SLIT3: variants seen among roughly 807,000 people sequenced by gnomAD.
The protein encoded by SLIT3 is slit guidance ligand 3.
Under a neutral mutation model 184.0 loss-of-function variants are expected in SLIT3, and 68 were observed. The ratio of observed to expected loss-of-function variants is 0.37; its 90% CI spans 0.30 to 0.45. SLIT3 has a LOEUF of 0.45. Among genes scored for constraint, SLIT3 ranks in the 20% least tolerant of loss-of-function variants. The pLI, the probability that SLIT3 is intolerant of heterozygous loss-of-function variation, is 1.00. For synonymous variants in SLIT3, 831 were observed against 828.6 expected, an observed-to-expected ratio of 1.00 and a Z score of -0.05; for missense variants, 1,707 against 2,026.0, an observed-to-expected ratio of 0.84 and a Z score of 3.02.
intron 14 of SLIT3, chr5:168,767,998 C>T (rs1256214089): frequency 6.3e-6 from 2 of 319,984 alleles, no homozygotes; most frequent in South Asian, 2.4e-5. Context: ...AGACCCATTT[C>T]CCTCTGTATC....
rs1582521043 is a variant in SLIT3, at chr5:168,679,939, T to C, written c.3686+4027A>G. Among the ~76,000 whole-genome samples, 3 of 152,320 alleles carry C rather than the reference T, an allele frequency of 2.0e-5. No individual in the cohort carries two copies. In the South Asian group the frequency reaches 6.2e-4, roughly 32 times the overall value. On this transcript the variant is annotated intron_variant, in intron 32 of 35. Coordinates refer to ENST00000519560, the MANE Select transcript of SLIT3 (RefSeq NM_003062.4). ...TTGGCAGTGGACAGGATTGTAGAAA[T>C]CAAGACTCAGAGAGCATGCACTGCA... is the stretch of plus-strand genomic sequence containing the variant.
intron 4 of SLIT3, among the ~76,000 whole-genome samples, chr5:169,066,895 A>G (rs1009252494): frequency 7.2e-5 from 11 of 151,792 alleles, no homozygotes; most frequent in African/African-American, 2.7e-4. Flanking sequence ...ATGACATGGA[A>G]AAACATTCAT....
chr5:168,727,045 C>T (rs887847922), intron 20 of SLIT3, among the ~76,000 whole-genome samples: 3 of 148,890 alleles, frequency 2.0e-5, no homozygotes, highest in East Asian at 4.0e-4. Flanking sequence ...GCTGGCTGGG[C>T]ACGGTGGCTC....
At chr5:168,762,119 T>G (rs73802388) in intron 15 of SLIT3, among the ~76,000 whole-genome samples, 33 of 151,984 alleles carry the variant, frequency 2.2e-4, no homozygotes, top group African/African-American at 7.5e-4. Context: ...AACACATCCC[T>G]TTATTAACAT....
intron 4 of SLIT3, among the ~76,000 whole-genome samples, chr5:169,179,936 T>C (rs1763104726): frequency 6.6e-6 from 1 of 151,990 alleles, no homozygotes; most frequent in African/African-American, 2.4e-5. Context: ...ACAGATAAAA[T>C]CCCTGCATTC....
chr5:168,967,417 C>A (rs1439464346), intron 4 of SLIT3, among the ~76,000 whole-genome samples: 1 of 145,504 alleles, frequency 6.9e-6, no homozygotes, highest in African/African-American at 2.6e-5. Flanking sequence ...TTGCATTCCT[C>A]TGGCACTGCC....
intron 4 of SLIT3, among the ~76,000 whole-genome samples, chr5:169,040,305 A>C (rs1757405892): frequency 2.0e-5 from 3 of 152,186 alleles, no homozygotes; most frequent in African/African-American, 7.2e-5. Flanking sequence ...GGCATTGCTC[A>C]TCTGTATTTA....
chr5:168,978,130 C>T (rs1581263171), intron 4 of SLIT3, among the ~76,000 whole-genome samples: 1 of 152,164 alleles, frequency 6.6e-6, no homozygotes, highest in East Asian at 1.9e-4. Flanking sequence ...GGGTCAGGCA[C>T]CCCAGGCATC....
chr5:168,931,609 C>A (rs533088250), intron 4 of SLIT3, among the ~76,000 whole-genome samples: 1 of 152,154 alleles, frequency 6.6e-6, no homozygotes, highest in African/African-American at 2.4e-5. Flanking sequence ...ACTGAGTATA[C>A]GATGAGGGGA....
intron 8 of SLIT3, among the ~76,000 whole-genome samples, chr5:168,813,920 C>T (rs906962840): frequency 2.6e-5 from 4 of 152,164 alleles, no homozygotes; most frequent in Admixed American, 2.0e-4. Context: ...ATGGGGACTG[C>T]TGGTGATGAA....
At chr5:169,116,465 T>G (rs940002899) in intron 4 of SLIT3, among the ~76,000 whole-genome samples, 11 of 152,216 alleles carry the variant, frequency 7.2e-5, no homozygotes, top group African/African-American at 2.7e-4. Context: ...CTCTCCAGGA[T>G]GAACGACCTA....
intron 4 of SLIT3, among the ~76,000 whole-genome samples, chr5:169,087,232 G>T (rs543780928): frequency 6.6e-6 from 1 of 152,330 alleles, no homozygotes; most frequent in East Asian, 1.9e-4. Context: ...GGTGGCTGTG[G>T]CAGGGGAGGA....
At chr5:168,743,051 G>T (rs74290730) in intron 20 of SLIT3, among the ~76,000 whole-genome samples, 22 of 152,166 alleles carry the variant, frequency 1.4e-4, no homozygotes, top group Admixed American at 1.4e-3. Flanking sequence ...AAAATGGCAT[G>T]AACCCTGGAG....
In SLIT3 at chr5:169,177,998, A is replaced by T. The variant is rs527637159; in HGVS notation, c.413+15481T>A. ...TGTCCTTTCAGCTCCTTTCCTTGAGAAAAAAAGTACATCATGACAGCAACC... is the reference window on the plus strand; with the variant it reads ...TGTCCTTTCAGCTCCTTTCCTTGAGTAAAAAAGTACATCATGACAGCAACC... On this transcript the variant is annotated intron_variant, in intron 4 of 35. Coordinates refer to ENST00000519560, the MANE Select transcript of SLIT3 (RefSeq NM_003062.4). 2.3e-3 allele frequency among the ~76,000 whole-genome samples: 324 copies of T among 143,556 alleles called. 15 individuals carry two copies. The South Asian group carries it at 0.076, about 34-fold the overall frequency. 94.2% of individuals were successfully genotyped at this position (143,556 alleles called of 152,430 possible).
chr5:169,038,533 C>T (rs1000980041), intron 4 of SLIT3, among the ~76,000 whole-genome samples: 3 of 152,138 alleles, frequency 2.0e-5, no homozygotes, highest in South Asian at 2.1e-4. Context: ...GGCACCATGA[C>T]GCTCTCTATG....
At chr5:169,037,119 T>C (rs1757282461) in intron 4 of SLIT3, among the ~76,000 whole-genome samples, 1 of 120,504 alleles carries the variant, frequency 8.3e-6, no homozygotes, top group South Asian at 2.3e-4. Flanking sequence ...TGCCTATTCA[T>C]GTAGTCTCAT....
intron 32 of SLIT3, among the ~76,000 whole-genome samples, chr5:168,679,830 A>G (rs1761527278): frequency 6.6e-6 from 1 of 152,088 alleles, no homozygotes; most frequent in Admixed American, 6.5e-5. Context: ...CCGGATTTAA[A>G]TCCTAGCTCT....
intron 28 of SLIT3, 79 bp from the exon 29 acceptor site, chr5:168,692,779 G>T (rs1054709734): frequency 9.8e-7 from 1 of 1,016,708 alleles, no homozygotes; most frequent in Non-Finnish European, 1.5e-6. Context: ...TACTAGGGGG[G>T]ATATCCTGGC....
intron 3 of SLIT3, among the ~76,000 whole-genome samples, 154 bp from the exon 4 acceptor site, chr5:169,193,704 AT>A (rs1763646347): frequency 6.6e-6 from 1 of 152,204 alleles, no homozygotes; most frequent in Non-Finnish European, 1.5e-5. Context: ...TGTAAGGTAT[AT>A]TCCCTGTTGG....
Sources: gnomAD v4.1 joint callset for allele counts (sites outside exome capture counted in the v4.1 genomes callset) on GRCh38, gnomAD v4.1.1 for gene constraint, MANE v1.5 for transcripts, NCBI Gene and HGNC (gene_info 2026-07-23, HGNC 2026-07-21) for gene names.